PPA2: variants seen among roughly 807,000 people sequenced by gnomAD.
The protein encoded by PPA2 is inorganic pyrophosphatase 2, mitochondrial.
Under a neutral mutation model 49.5 loss-of-function variants are expected in PPA2, and 48 were observed. That is an observed-to-expected ratio of 0.97 (90% CI 0.77 to 1.23). PPA2 has a LOEUF of 1.23. Ranked by LOEUF, PPA2 falls within the 50% of genes most tolerant of loss-of-function variation. The pLI is 0.00. For synonymous variants in PPA2, 131 were observed against 139.9 expected, an observed-to-expected ratio of 0.94 and a Z score of 0.45; for missense variants, 429 against 410.1, an observed-to-expected ratio of 1.05 and a Z score of -0.40.
intron 10 of PPA2, among the ~76,000 whole-genome samples, chr4:105,374,697 T>C (rs936825078): frequency 4.6e-5 from 7 of 152,176 alleles, no homozygotes; most frequent in Admixed American, 2.6e-4. Flanking sequence ...ATATAAAGTA[T>C]CCTGCTTTAC....
At chr4:105,423,543 T>C (rs1723346660) in intron 7 of PPA2, among the ~76,000 whole-genome samples, 1 of 152,182 alleles carries the variant, frequency 6.6e-6, no homozygotes, top group Non-Finnish European at 1.5e-5. Context: ...CATCTCCCTT[T>C]AGAGATGAGC....
chr4:105,372,312 T>G lies in PPA2; in HGVS notation c.940-1439A>C, dbSNP rs570142475. 1.1e-4 allele frequency among the ~76,000 whole-genome samples: 17 copies of G among 152,324 alleles called. No individual in the cohort carries two copies. The East Asian group carries it at 1.2e-3, about 10-fold the overall frequency. Reference sequence around the variant, plus strand: ...CTTGCCCTACGGTGAGATATGTGACTGAATAACGGCCAAGTATGACCCTCC... The same window carrying G: ...CTTGCCCTACGGTGAGATATGTGACGGAATAACGGCCAAGTATGACCCTCC... On this transcript the variant is annotated intron_variant, in intron 10 of 11. Transcript: ENST00000341695.
At chr4:105,391,984 A>C (rs1169449742) in intron 9 of PPA2, among the ~76,000 whole-genome samples, 1 of 152,098 alleles carries the variant, frequency 6.6e-6, no homozygotes, top group East Asian at 1.9e-4. Flanking sequence ...AGAATCAATC[A>C]AAACTTGAAA....
intron 6 of PPA2, among the ~76,000 whole-genome samples, chr4:105,428,129 C>T (rs1348916964): frequency 1.3e-5 from 2 of 152,122 alleles, no homozygotes; most frequent in East Asian, 1.9e-4. Flanking sequence ...AGATAAAATC[C>T]TTTATAGACA....
chr4:105,409,403 A>G (rs2713875), intron 7 of PPA2, among the ~76,000 whole-genome samples: 90,023 of 152,116 alleles, frequency 0.59, 26,753 homozygotes, highest in East Asian at 0.68. Context: ...CTGGAAGCTC[A>G]AACTGGGTGG....
chr4:105,395,200 G>A (rs1374062382), intron 9 of PPA2, among the ~76,000 whole-genome samples: 1 of 152,076 alleles, frequency 6.6e-6, no homozygotes, highest in East Asian at 1.9e-4. Flanking sequence ...AAGCATTTGT[G>A]TTGTAGGCAA....
At chr4:105,392,860 G>A (rs2713852) in intron 9 of PPA2, among the ~76,000 whole-genome samples, 56,832 of 151,946 alleles carry the variant, frequency 0.37, 12,600 homozygotes, top group East Asian at 0.68. Flanking sequence ...CAAGTATTTA[G>A]TAACTGACAG....
chr4:105,425,122 C>T (rs1271848811), intron 6 of PPA2, among the ~76,000 whole-genome samples: 3 of 152,154 alleles, frequency 2.0e-5, no homozygotes, highest in Non-Finnish European at 2.9e-5. Context: ...CAAGTAACTA[C>T]CTGTAAAAAC....
At chr4:105,429,507 A>G (rs1050486342) in intron 6 of PPA2, among the ~76,000 whole-genome samples, 5 of 152,228 alleles carry the variant, frequency 3.3e-5, no homozygotes, top group African/African-American at 4.8e-5. Context: ...CAATTTTTTA[A>G]TTAACAAATC....
At chr4:105,396,391 AC>A (rs1181150755) in intron 8 of PPA2, 57 bp from the exon 9 acceptor site, 24 of 1,178,210 alleles carry the variant, frequency 2.0e-5, no homozygotes, top group Non-Finnish European at 2.8e-5. Context: ...ACATTGTTAC[AC>A]TAACACAAAA....
intron 3 of PPA2, among the ~76,000 whole-genome samples, chr4:105,452,387 G>A (rs2110310645): frequency 6.6e-6 from 1 of 152,296 alleles, no homozygotes; most frequent in Non-Finnish European, 1.5e-5. Context: ...ATCTAGGGCA[G>A]TGGTTCTCAA....
chr4:105,411,863 C>T (rs1722774630), intron 7 of PPA2, among the ~76,000 whole-genome samples: 1 of 152,042 alleles, frequency 6.6e-6, no homozygotes, highest in Admixed American at 6.5e-5. Flanking sequence ...GAATAAAATA[C>T]CTAGGAATCC....
chr4:105,411,793 A>G (rs1722769803), intron 7 of PPA2, among the ~76,000 whole-genome samples: 1 of 152,198 alleles, frequency 6.6e-6, no homozygotes, highest in South Asian at 2.1e-4. Context: ...CTATACACCA[A>G]TAACAGACAA....
chr4:105,444,163 C>T (rs2636692), intron 5 of PPA2, among the ~76,000 whole-genome samples: 145,763 of 152,246 alleles, frequency 0.96, 69,927 homozygotes, highest in African/African-American at 0.99. Context: ...TAAATATGTA[C>T]TGAATGAATG....
intron 7 of PPA2, among the ~76,000 whole-genome samples, chr4:105,407,458 T>A (rs1023372025): frequency 6.6e-6 from 1 of 152,190 alleles, no homozygotes; most frequent in Admixed American, 6.5e-5. Flanking sequence ...AACATATAAT[T>A]ACCATCTTAC....
At chr4:105,462,371 A>T (rs55834924) in intron 1 of PPA2, among the ~76,000 whole-genome samples, 1,676 of 152,324 alleles carry the variant, frequency 0.011, 41 homozygotes, top group African/African-American at 0.037. Context: ...TGCTTTTTAA[A>T]ACATCTATTT....
intron 11 of PPA2, 170 bp downstream of exon 11, chr4:105,370,667 G>T (rs11301777): frequency 1.1e-6 from 1 of 934,052 alleles, no homozygotes; most frequent in Non-Finnish European, 1.3e-6. Flanking sequence ...TATTTTCTGA[G>T]TTAGAAAATA....
Position 105,399,169 on chromosome 4 carries a change from A to G in PPA2, c.656-5T>C. Reference sequence around the variant, plus strand: ...ACTTCTTAACATCATCAATATCTGTAAAGAAAAAAACAAAAAGATGTTTTG... The same window carrying G: ...ACTTCTTAACATCATCAATATCTGTGAAGAAAAAAACAAAAAGATGTTTTG... On this transcript the variant is annotated splice_polypyrimidine_tract_variant and splice_region_variant and intron_variant, in intron 7 of 11. Transcript: ENST00000341695. 6.3e-7 allele frequency: 1 copy of G among 1,585,062 alleles called. No individual in the cohort carries two copies. Among genetic ancestry groups the G allele is most frequent in the South Asian group, 1.2e-5 (1 of 84,408 alleles).
intron 8 of PPA2, chr4:105,398,523 G>A (rs1255815940): frequency 1.3e-5 from 2 of 152,124 alleles, no homozygotes; most frequent in Admixed American, 6.6e-5. Context: ...TTAACTCTTT[G>A]GTCTATTCTC....
Sources: allele counts gnomAD v4.1 joint callset (sites outside exome capture counted in the v4.1 genomes callset), GRCh38; gene constraint gnomAD v4.1.1; transcripts MANE v1.5; gene names NCBI Gene and HGNC (gene_info 2026-07-23, HGNC 2026-07-21).